Variants in MMADHC observed in about 807,000 individuals in gnomAD.
MMADHC encodes the protein cobalamin trafficking protein CblD.
Under a neutral mutation model 36.3 loss-of-function variants are expected in MMADHC, and 23 were observed. The observed-to-expected ratio is 0.63, with a 90% CI of 0.46 to 0.90. The LOEUF (loss-of-function observed/expected upper bound fraction) is 0.90, where lower values mean the gene tolerates loss of function less well. Among genes scored for constraint, MMADHC ranks in the 40% least tolerant of loss-of-function variants. MMADHC has a pLI of 0.00. For missense variants in MMADHC, 330 were observed against 348.0 expected, an observed-to-expected ratio of 0.95 and a Z score of 0.41; for synonymous variants, 97 against 116.1, an observed-to-expected ratio of 0.84 and a Z score of 1.06.
chr2:149,582,906 C>A (rs978606654), intron 2 of MMADHC, among the ~76,000 whole-genome samples: 8 of 152,084 alleles, frequency 5.3e-5, no homozygotes, highest in African/African-American at 1.7e-4. Context: ...AATTTTTTAA[C>A]AAAGTACTTG....
intron 2 of MMADHC, among the ~76,000 whole-genome samples, chr2:149,585,449 C>T (rs1324873717): frequency 1.3e-5 from 2 of 152,200 alleles, no homozygotes; most frequent in Non-Finnish European, 2.9e-5. Context: ...TCTATCCAGA[C>T]ATTTTTGTGC....
intron 2 of MMADHC, among the ~76,000 whole-genome samples, chr2:149,583,382 A>G (rs567562224): frequency 6.6e-6 from 1 of 152,320 alleles, no homozygotes; most frequent in East Asian, 1.9e-4. Flanking sequence ...TGACAAATTC[A>G]GTGAGGGTAG....
chr2:149,585,047 A>C lies in MMADHC; in HGVS notation c.9+2042T>G, dbSNP rs529754735. On this transcript the variant is annotated intron_variant, in intron 2 of 7. Transcript: ENST00000303319. ...ACAAGAGTGAAACTCCGTCTCAAAA[A>C]AAAAAAAAAGAAAAAAGAAAAAAAA... Among the ~76,000 whole-genome samples, 49 of 151,910 alleles carry C rather than the reference A, an allele frequency of 3.2e-4. No individual in the cohort carries two copies. The South Asian group carries it at 4.6e-3, about 14-fold the overall frequency.
Position 149,579,631 on chromosome 2 carries a change from G to C in MMADHC, c.172C>G (p.Pro58Ala), listed in dbSNP as rs748188672. The C allele has an allele frequency of 1.1e-5, 17 of 1,613,828 alleles. No homozygotes were observed. The South Asian group carries it at 1.9e-4, about 18-fold the overall frequency. ...CCAAAGGGTCCCATAGTTTCATCAG[G>C]CCACACTGTTCGAGAGCCTGAAGAG... ...PPDICSRTVWPDETMGPFGPQ... is the reference protein window; with the variant it reads ...PPDICSRTVWADETMGPFGPQ... The change falls in exon 4 of 8, where the codon CCT becomes GCT. Residue 58 changes from proline to alanine, a missense_variant. Physicochemically the swap from Pro to Ala is conservative, Grantham distance 27. Transcript: ENST00000303319.
At chr2:149,584,714 A>G (rs1682838466) in intron 2 of MMADHC, among the ~76,000 whole-genome samples, 2 of 152,182 alleles carry the variant, frequency 1.3e-5, no homozygotes, top group African/African-American at 2.4e-5. Context: ...AGTTGATGAT[A>G]GTACTAATCT....
At chr2:149,571,996 A>G (rs149088752) in intron 6 of MMADHC, among the ~76,000 whole-genome samples, 64 of 152,256 alleles carry the variant, frequency 4.2e-4, no homozygotes, top group Admixed American at 4.1e-3. Flanking sequence ...ACAGAGTTAA[A>G]CAAGGTACTT....
chr2:149,586,067 C>T (rs1413309411), intron 2 of MMADHC, among the ~76,000 whole-genome samples: 2 of 152,146 alleles, frequency 1.3e-5, no homozygotes, highest in Non-Finnish European at 2.9e-5. Context: ...TTGGCCAAGA[C>T]TAGTAATCTA....
intron 4 of MMADHC, among the ~76,000 whole-genome samples, chr2:149,578,264 G>A (rs898724227): frequency 6.6e-5 from 10 of 152,224 alleles, no homozygotes; most frequent in African/African-American, 1.9e-4. Flanking sequence ...AGATAAAAGC[G>A]ATGTGATTTT....
At chr2:149,576,413 T>C in intron 5 of MMADHC, 24 bp downstream of exon 5, 1 of 1,492,916 alleles carries the variant, frequency 6.7e-7, no homozygotes. Context: ...GTAACAGTGT[T>C]TCAAAGTATA....
At chr2:149,585,454 T>C (rs751725908) in intron 2 of MMADHC, among the ~76,000 whole-genome samples, 4 of 152,238 alleles carry the variant, frequency 2.6e-5, no homozygotes, top group Admixed American at 6.5e-5. Context: ...CCAGACATTT[T>C]TGTGCATCCC....
intron 1 of MMADHC, 21 bp from the exon 2 acceptor site, chr2:149,587,170 A>C: frequency 7.0e-7 from 1 of 1,436,318 alleles, no homozygotes; most frequent in Non-Finnish European, 9.8e-7. Flanking sequence ...ACACAACAAA[A>C]CAGACGAGTG....
chr2:149,581,201 TGTTGG>T (rs939589734), intron 3 of MMADHC, among the ~76,000 whole-genome samples: 5 of 152,250 alleles, frequency 3.3e-5, no homozygotes, highest in Non-Finnish European at 5.9e-5. Context: ...TCTGATTTTC[TGTTGG>T]GTTATCTTTT....
chr2:149,582,246 A>G lies in MMADHC; in HGVS notation c.35T>C (p.Val12Ala), dbSNP rs1682805804. The G allele has an allele frequency of 2.5e-6, 4 of 1,613,720 alleles. No individual in the cohort carries two copies. Among genetic ancestry groups the G allele is most frequent in the African/African-American group, 2.7e-5 (2 of 74,910 alleles). Residue 12 changes from valine to alanine, a missense_variant, in exon 3 of 8, where the codon GTT (valine) becomes GCT (alanine). Val to Ala is a moderately conservative substitution (Grantham distance 64). Transcript: ENST00000303319. ...ANVLCNRARL[V>A]SYLPGFCSLV... is the part of the protein sequence containing the mutation. ...AGAGCAAAATCCTGGGAGATAGGAAACCAGTCTGGCTCTGTTACAAAGCAC... is the reference window on the plus strand; with the variant it reads ...AGAGCAAAATCCTGGGAGATAGGAAGCCAGTCTGGCTCTGTTACAAAGCAC...
intron 2 of MMADHC, among the ~76,000 whole-genome samples, chr2:149,582,610 C>T (rs1345037744): frequency 6.6e-6 from 1 of 152,150 alleles, no homozygotes; most frequent in Non-Finnish European, 1.5e-5. Context: ...CAAGATTCTT[C>T]TATCCTCAAT....
chr2:149,577,996 G>C (rs2105047140), intron 4 of MMADHC, among the ~76,000 whole-genome samples: 1 of 152,234 alleles, frequency 6.6e-6, no homozygotes, highest in East Asian at 1.9e-4. Context: ...CTAGCCTGGT[G>C]ACAGAGCAAG....
chr2:149,573,872 A>T (rs1387775495), intron 6 of MMADHC, among the ~76,000 whole-genome samples: 1 of 50,398 alleles, frequency 2.0e-5, no homozygotes, highest in Non-Finnish European at 8.9e-5. Context: ...TCTCAAATTA[A>T]AACAAAAAAA....
chr2:149,576,141 C>T (rs1035566332), intron 5 of MMADHC, among the ~76,000 whole-genome samples: 2 of 152,146 alleles, frequency 1.3e-5, no homozygotes, highest in Admixed American at 1.3e-4. Flanking sequence ...TAAGATTTTT[C>T]CGTATTATAT....
intron 6 of MMADHC, chr2:149,572,089 A>G (rs531671590): frequency 3.3e-6 from 1 of 300,576 alleles, no homozygotes; most frequent in African/African-American, 2.3e-5. Context: ...TTTTGGTCTT[A>G]CCATCCTAAT....
chr2:149,576,608 A>G, intron 4 of MMADHC, 66 bp from the exon 5 acceptor site: 1 of 1,096,446 alleles, frequency 9.1e-7, no homozygotes, highest in Non-Finnish European at 1.4e-6. Context: ...CTTGCCTGTT[A>G]TAAACCTGTC....
Sources: allele counts gnomAD v4.1 joint callset (sites outside exome capture counted in the v4.1 genomes callset), GRCh38; gene constraint gnomAD v4.1.1; transcripts MANE v1.5; gene names NCBI Gene and HGNC (gene_info 2026-07-23, HGNC 2026-07-21).